The following ST8SIA5 variants were observed in gnomAD, a reference collection of about 807,000 sequenced individuals.
ST8SIA5 encodes the protein alpha-2,8-sialyltransferase 8E.
Under a neutral mutation model 40.2 loss-of-function variants are expected in ST8SIA5, and 24 were observed. The ratio of observed to expected loss-of-function variants is 0.60; its 90% CI spans 0.43 to 0.84. The LOEUF (loss-of-function observed/expected upper bound fraction) is 0.84, where lower values mean the gene tolerates loss of function less well. ST8SIA5 is among the 40% of genes least tolerant of loss of function. The pLI is 0.00. For synonymous variants in ST8SIA5, 198 were observed against 201.8 expected (o/e 0.98, Z 0.16); for missense variants, 465 against 498.5 (o/e 0.93, Z 0.64).
chr18:46,715,939 A>G (rs1404813779), intron 1 of ST8SIA5, among the ~76,000 whole-genome samples: 2 of 152,090 alleles, frequency 1.3e-5, no homozygotes, highest in Non-Finnish European at 2.9e-5. Flanking sequence ...TCTAACAGCA[A>G]GGAGCTGAGG....
intron 1 of ST8SIA5, chr18:46,731,987 A>AG (rs1300194398): frequency 5.9e-5 from 9 of 152,190 alleles, no homozygotes; most frequent in African/African-American, 1.9e-4. Flanking sequence ...CAACAAGAAC[A>AG]GGGGAGGGTG....
chr18:46,725,975 ATAT>A (rs1568271248), intron 1 of ST8SIA5, among the ~76,000 whole-genome samples: 478 of 27,098 alleles, frequency 0.018, 33 homozygotes, highest in Non-Finnish European at 0.021. Context: ...AAAAAAAAAT[ATAT>A]ATATATATAT....
chr18:46,742,033 T>C (rs1006574875), intron 1 of ST8SIA5, among the ~76,000 whole-genome samples: 12 of 151,162 alleles, frequency 7.9e-5, no homozygotes, highest in African/African-American at 2.9e-4. Flanking sequence ...ACCCAGGAGG[T>C]GGAGGTTGCA....
chr18:46,680,014 G>T lies in ST8SIA5; in HGVS notation c.*28C>A. 6.3e-7 allele frequency: 1 copy of T among 1,576,914 alleles called. No homozygotes were observed. The highest frequency in any genetic ancestry group is 8.6e-7 in the Non-Finnish European group (1 of 1,160,406). ...GAGGGACAGCAGGAGAGGGGGCGCC[G>T]CTTGCCGGGCAGCCTGGCTGGCAGC... On this transcript the variant is annotated 3_prime_UTR_variant, in exon 7 of 7. Coordinates refer to ENST00000315087, the MANE Select transcript of ST8SIA5 (RefSeq NM_013305.6).
At chr18:46,737,305 T>C (rs976939771) in intron 1 of ST8SIA5, among the ~76,000 whole-genome samples, 5 of 152,194 alleles carry the variant, frequency 3.3e-5, no homozygotes, top group African/African-American at 1.2e-4. Context: ...ACAAGATTTA[T>C]AGTCTATGCC....
At chr18:46,680,827 C>T (rs1484116841) in intron 6 of ST8SIA5, among the ~76,000 whole-genome samples, 1 of 152,148 alleles carries the variant, frequency 6.6e-6, no homozygotes, top group Non-Finnish European at 1.5e-5. Flanking sequence ...GAAGTGGCTG[C>T]GGGAGTGGAG....
At chr18:46,744,957 G>C (rs1171634806) in intron 1 of ST8SIA5, among the ~76,000 whole-genome samples, 1 of 152,204 alleles carries the variant, frequency 6.6e-6, no homozygotes, top group African/African-American at 2.4e-5. Flanking sequence ...ACCTGCTCCT[G>C]AATGACTACT....
chr18:46,731,524 C>T (rs957822088), intron 1 of ST8SIA5, among the ~76,000 whole-genome samples: 2 of 152,214 alleles, frequency 1.3e-5, no homozygotes, highest in Non-Finnish European at 2.9e-5. Context: ...CTGTGGAGGG[C>T]GAGGACTCCA....
intron 1 of ST8SIA5, among the ~76,000 whole-genome samples, chr18:46,713,186 A>T (rs1353993423): frequency 6.6e-6 from 1 of 152,236 alleles, no homozygotes; most frequent in Admixed American, 6.5e-5. Context: ...AGTCGATTGC[A>T]CTAAGGGGTG....
intron 6 of ST8SIA5, among the ~76,000 whole-genome samples, chr18:46,680,748 T>G (rs2039386310): frequency 6.6e-6 from 1 of 152,012 alleles, no homozygotes; most frequent in South Asian, 2.1e-4. Flanking sequence ...ATATCCAGGG[T>G]GTGGCTGCAG....
At chr18:46,719,221 G>T (rs115987229) in intron 1 of ST8SIA5, among the ~76,000 whole-genome samples, 3,011 of 152,234 alleles carry the variant, frequency 0.02, 112 homozygotes, top group African/African-American at 0.069. Flanking sequence ...TGCATCAAAG[G>T]CACCTGAATT....
chr18:46,726,021 TATATATATCCTGG>T (rs1345735039), intron 1 of ST8SIA5, among the ~76,000 whole-genome samples: 13 of 108,860 alleles, frequency 1.2e-4, no homozygotes, highest in Non-Finnish European at 2.2e-4. Context: ...CCTGGATATA[TATATATATCCTGG>T]ATATATATAT....
At chr18:46,729,473 A>G (rs976647923) in intron 1 of ST8SIA5, among the ~76,000 whole-genome samples, 2 of 152,078 alleles carry the variant, frequency 1.3e-5, no homozygotes, top group African/African-American at 4.8e-5. Context: ...AGGAAGAAAC[A>G]GAGAGAGGGG....
intron 1 of ST8SIA5, among the ~76,000 whole-genome samples, chr18:46,736,730 G>A (rs762756668): frequency 3.9e-5 from 6 of 152,046 alleles, no homozygotes; most frequent in South Asian, 2.1e-4. Flanking sequence ...CCAGATACTC[G>A]GCAAATGCAG....
intron 1 of ST8SIA5, chr18:46,730,363 T>A (rs2039974265): frequency 1.0e-5 from 6 of 581,278 alleles, no homozygotes; most frequent in Non-Finnish European, 1.3e-5. Context: ...ATAAACAGTC[T>A]ACAAAAGCAG....
chr18:46,698,245 AAAC>A (rs768826829), intron 2 of ST8SIA5, among the ~76,000 whole-genome samples: 2 of 151,720 alleles, frequency 1.3e-5, no homozygotes, highest in East Asian at 3.9e-4. Flanking sequence ...CCAACAATCA[AAAC>A]AACAACCCAA....
At position 46,668,730 on chromosome 18, in the gene ST8SIA5, G is replaced by T. The variant is rs973849868; in HGVS notation, c.*11312C>A. The T allele has an allele frequency of 5.9e-5, 9 of 152,222 alleles. No individual in the cohort carries two copies. Among genetic ancestry groups the T allele is most frequent in the African/African-American group, 1.7e-4 (7 of 41,460 alleles). 9.4% of individuals were successfully genotyped at this position (152,222 alleles called of 1,614,324 possible). On this transcript the variant is annotated 3_prime_UTR_variant, in exon 7 of 7. Coordinates refer to ENST00000315087, the MANE Select transcript of ST8SIA5 (RefSeq NM_013305.6). ...CTGCAGGCCACCAAGACCCTGCCAGGTCCCTAAATTGTATGTGCAGAGTGT... is the reference window on the plus strand; with the variant it reads ...CTGCAGGCCACCAAGACCCTGCCAGTTCCCTAAATTGTATGTGCAGAGTGT...
chr18:46,697,021 T>G (rs116005030), intron 2 of ST8SIA5, among the ~76,000 whole-genome samples: 1 of 146,072 alleles, frequency 6.8e-6, no homozygotes, highest in Non-Finnish European at 1.5e-5. Context: ...AGCAGAACCA[T>G]CAAGCCTACA....
chr18:46,755,202 C>G (rs1310391025), intron 1 of ST8SIA5, among the ~76,000 whole-genome samples: 1 of 152,174 alleles, frequency 6.6e-6, no homozygotes, highest in Non-Finnish European at 1.5e-5. Context: ...CACTGGACAG[C>G]GACACCTAGC....
Sources: allele counts gnomAD v4.1 joint callset (sites outside exome capture counted in the v4.1 genomes callset), GRCh38; gene constraint gnomAD v4.1.1; transcripts MANE v1.5; gene names NCBI Gene and HGNC (gene_info 2026-07-23, HGNC 2026-07-21).